SETD1A: variants seen among roughly 807,000 people sequenced by gnomAD.
The protein encoded by SETD1A is SET domain containing 1A, histone lysine methyltransferase, also known as histone-lysine N-methyltransferase SETD1A.
Under a neutral mutation model 149.9 loss-of-function variants are expected in SETD1A, and 29 were observed. That is an observed-to-expected ratio of 0.19 (90% CI 0.14 to 0.26). The LOEUF is 0.26. Among genes scored for constraint, SETD1A ranks in the 10% least tolerant of loss-of-function variants. The pLI, the probability that SETD1A is intolerant of heterozygous loss-of-function variation, is 1.00. For missense variants in SETD1A, 2,109 were observed against 2,353.1 expected, an observed-to-expected ratio of 0.90 and a Z score of 2.15; for synonymous variants, 1,141 against 968.5, an observed-to-expected ratio of 1.18 and a Z score of -3.31.
chr16:30,972,139 T>C (rs900640708), intron 13 of SETD1A, among the ~76,000 whole-genome samples: 4 of 152,214 alleles, frequency 2.6e-5, no homozygotes, highest in Non-Finnish European at 5.9e-5. Context: ...TCTTTGTTCA[T>C]TTGTACGTCT....
In SETD1A at chr16:30,971,496, CTCCTCCTCG is replaced by C; in HGVS notation, c.3141_3149del (p.Ser1056_Ser1058del). 1 of 1,614,048 alleles carries C rather than the reference CTCCTCCTCG, an allele frequency of 6.2e-7. No individual in the cohort carries two copies. The highest frequency in any genetic ancestry group is 8.5e-7 in the Non-Finnish European group (1 of 1,179,996). On this transcript the variant is annotated inframe_deletion, in exon 13 of 19. Transcript: ENST00000262519. ...GCTCTTCCAGCTCCTCATCCTCCTC[CTCCTCCTCG>C]TCCTCATCCTCCTCGTCCTCTTCAT...
chr16:30,959,813 A>G (rs896125576), intron 3 of SETD1A, among the ~76,000 whole-genome samples: 1 of 150,728 alleles, frequency 6.6e-6, no homozygotes, highest in Non-Finnish European at 1.5e-5. Flanking sequence ...CCACAGCTTC[A>G]ACTATTACCT....
Position 30,980,124 on chromosome 16 carries a change from G to C in SETD1A, c.4338G>C (p.Thr1446=). 1 of 1,612,486 alleles carries C rather than the reference G, an allele frequency of 6.2e-7. No individual in the cohort carries two copies. Among genetic ancestry groups the C allele is most frequent in the South Asian group, 1.1e-5 (1 of 90,908 alleles). ...AGGACATGAGTTACCTGCGGCTTAC[G>C]TACGAGCGGCTGCTGCAGCAGACAA... ...DSEDMSYLRL[T]YERLLQQTSG... The change falls in exon 14 of 19, where the codon ACG becomes ACC. Residue 1446 remains threonine (T), a synonymous_variant. Coordinates refer to ENST00000262519, the MANE Select transcript of SETD1A (RefSeq NM_014712.3). The surrounding 1 kb of genome is among the most constrained non-coding windows in gnomAD (Gnocchi z 7.7).
At chr16:30,970,993 T>C (rs2056216916) in intron 12 of SETD1A, among the ~76,000 whole-genome samples, 1 of 152,178 alleles carries the variant, frequency 6.6e-6, no homozygotes, top group Non-Finnish European at 1.5e-5. Flanking sequence ...CCAGACTGGG[T>C]CCTGAGACCC....
In SETD1A at chr16:30,979,228, G is replaced by T. The variant is rs779454410; in HGVS notation, c.3442G>T (p.Asp1148Tyr). 16 of 602,782 alleles carry T rather than the reference G, an allele frequency of 2.7e-5. No homozygotes were observed. Among genetic ancestry groups the T allele is most frequent in the Non-Finnish European group, 3.2e-5 (13 of 405,406 alleles). The allele number at this position is 602,782 out of a possible 1,614,324, so 37.3% of individuals were successfully genotyped here. A position where few individuals can be genotyped will look rare whatever the true frequency, so the allele number is the denominator to read the frequency against. ...AGPPAPAPRP[D>Y]ERPSSPIPLL... is the part of the protein sequence containing the mutation. Reference sequence around the variant, plus strand: ...GCCCCCGGCCCCTGCCCCACGCCCCGATGAGCGTCCCTCTTCTCCCATCCC... The same window carrying T: ...GCCCCCGGCCCCTGCCCCACGCCCCTATGAGCGTCCCTCTTCTCCCATCCC... The change falls in exon 14 of 19, where the codon GAT becomes TAT. Residue 1148 changes from aspartate to tyrosine, a missense_variant. Physicochemically the swap from Asp to Tyr is radical, Grantham distance 160. This residue lies in a region of SETD1A where 832 missense variants were observed against 815.6 expected (regional missense o/e 1.02). Coordinates refer to ENST00000262519, the MANE Select transcript of SETD1A (RefSeq NM_014712.3).
rs2056416918 is a variant in SETD1A at position 30,983,808 on chromosome 16, T to C, written c.4950+36T>C. 6.2e-7 allele frequency: 1 copy of C among 1,611,310 alleles called. No individual in the cohort carries two copies. Among genetic ancestry groups the C allele is most frequent in the Non-Finnish European group, 8.5e-7 (1 of 1,178,338 alleles). On this transcript the variant is annotated intron_variant, in intron 18 of 18. Transcript: ENST00000262519. This position sits in a 1 kb window ranked among gnomAD's most constrained non-coding sequence, Gnocchi z 6.8. ...GGCCAGCCGGGGCAGGAGTTGGGGG[T>C]CGGTGGGGGTGGCCACGGCTCACAC...
intron 3 of SETD1A, 25 bp downstream of exon 3, chr16:30,959,211 G>A: frequency 6.9e-7 from 1 of 1,442,580 alleles, no homozygotes; most frequent in Non-Finnish European, 9.8e-7. Flanking sequence ...GGCTCCTGGT[G>A]TGGTAGTCCT....
In SETD1A at chr16:30,980,957, G is replaced by T; in HGVS notation, c.4693-104G>T. The T allele has an allele frequency of 6.3e-7, 1 of 1,576,486 alleles. No individual in the cohort carries two copies. On this transcript the variant is annotated intron_variant, in intron 16 of 18. Coordinates refer to ENST00000262519, the MANE Select transcript of SETD1A (RefSeq NM_014712.3). The surrounding 1 kb of genome is among the most constrained non-coding windows in gnomAD (Gnocchi z 7.7). ...CTGTGGTTCCCTCGGGTGGAGTTGG[G>T]GGGTAAGCAGCCAGAACACCCTCTG...
chr16:30,983,720 T>A lies in SETD1A; in HGVS notation c.4898T>A (p.Ile1633Asn). ...YLFRVDHDTI[I>N]DATKCGNLAR... ...TTCCGGGTGGACCACGACACCATCATCGATGCCACCAAGTGTGGCAACCTG... is the reference window on the plus strand; with the variant it reads ...TTCCGGGTGGACCACGACACCATCAACGATGCCACCAAGTGTGGCAACCTG... Residue 1633 changes from isoleucine to asparagine, a missense_variant, in exon 18 of 19, where the codon ATC becomes AAC. Transcript: ENST00000262519. This position sits in a 1 kb window ranked among gnomAD's most constrained non-coding sequence, Gnocchi z 6.8. 6.2e-7 allele frequency: 1 copy of A among 1,614,138 alleles called. No homozygotes were observed. Among genetic ancestry groups the A allele is most frequent in the Non-Finnish European group, 8.5e-7 (1 of 1,180,000 alleles).
rs1167157180 is a variant in SETD1A, at chr16:30,979,587, GCTGCCTGCC to G, written c.3810_3818del (p.Leu1271_Ala1273del). ...TGGCCCTGACCCCTGCCCGGCGCGG[GCTGCCTGCC>G]CTGCCTGCTGTTGAAGACTCAGAGG... On this transcript the variant is annotated inframe_deletion, in exon 14 of 19. Coordinates refer to ENST00000262519, the MANE Select transcript of SETD1A (RefSeq NM_014712.3). 1.2e-6 allele frequency: 2 copies of G among 1,610,572 alleles called. No homozygotes were observed.
intron 3 of SETD1A, among the ~76,000 whole-genome samples, chr16:30,960,271 G>T (rs1424895158): frequency 1.3e-5 from 2 of 152,168 alleles, no homozygotes; most frequent in Non-Finnish European, 2.9e-5. Flanking sequence ...ACACTGACAT[G>T]TATGGTTATT....
At chr16:30,967,630 G>A (rs2056166462) in intron 10 of SETD1A, 42 bp downstream of exon 10, 2 of 1,550,684 alleles carry the variant, frequency 1.3e-6, no homozygotes, top group African/African-American at 2.7e-5. Flanking sequence ...GTGCTGCGTG[G>A]GTTCTGATGG....
chr16:30,977,590 G>A (rs530884537), intron 13 of SETD1A, among the ~76,000 whole-genome samples: 24 of 152,220 alleles, frequency 1.6e-4, no homozygotes, highest in Non-Finnish European at 2.6e-4. Flanking sequence ...ATGCTGAAGC[G>A]TGAGGTGGTC....
Position 30,964,801 on chromosome 16 carries a change from C to G in SETD1A, c.1059C>G (p.Ser353=), listed in dbSNP as rs768709539. The change falls in exon 7 of 19, where the codon TCC becomes TCG. Residue 353 remains serine, a synonymous_variant. Coordinates refer to ENST00000262519, the MANE Select transcript of SETD1A (RefSeq NM_014712.3). The part of the protein sequence containing the change: ...SLSSSSSSSS[S]SSSSQFRSSD... Reference sequence around the variant, plus strand: ...CCTCGTCCTCCTCGTCATCCTCTTCCTCCTCGTCCTCTCAGTTTCGTAGTT... The same window carrying G: ...CCTCGTCCTCCTCGTCATCCTCTTCGTCCTCGTCCTCTCAGTTTCGTAGTT... 4.8e-5 allele frequency: 78 copies of G among 1,614,062 alleles called. No homozygotes were observed. The highest frequency in any genetic ancestry group is 6.4e-5 in the Non-Finnish European group (75 of 1,180,012).
chr16:30,968,377 T>C (rs567424368), intron 10 of SETD1A, among the ~76,000 whole-genome samples: 23 of 148,644 alleles, frequency 1.5e-4, no homozygotes, highest in Non-Finnish European at 2.8e-4. Context: ...CACTTCAGCC[T>C]GGGTGATAGC....
At position 30,983,603 on chromosome 16, in the gene SETD1A, T is replaced by C. The variant is rs112080881; in HGVS notation, c.4813-32T>C. 2.5e-6 allele frequency: 4 copies of C among 1,601,554 alleles called. No homozygotes were observed. The highest frequency in any genetic ancestry group is 1.3e-5 in the African/African-American group (1 of 74,796). Reference sequence around the variant, plus strand: ...TGCTCAGGGGCAGGAAGTGGGGGACTCTTCCCTGACCATCGCATCTCACCC... The same window carrying C: ...TGCTCAGGGGCAGGAAGTGGGGGACCCTTCCCTGACCATCGCATCTCACCC... On this transcript the variant is annotated intron_variant, in intron 17 of 18. Transcript: ENST00000262519. This position sits in a 1 kb window ranked among gnomAD's most constrained non-coding sequence, Gnocchi z 6.8.
At chr16:30,972,035 C>G (rs2056232193) in intron 13 of SETD1A, among the ~76,000 whole-genome samples, 1 of 152,268 alleles carries the variant, frequency 6.6e-6, no homozygotes. Context: ...TAAGCCTGTT[C>G]TTCAGTGAGT....
At chr16:30,963,354 C>T (rs2143477737) in intron 4 of SETD1A, 79 bp from the exon 5 acceptor site, 2 of 1,350,884 alleles carry the variant, frequency 1.5e-6, no homozygotes, top group East Asian at 2.7e-5. Context: ...AAACTTGAGG[C>T]CTGAGAAAGC....
chr16:30,978,510 C>G (rs976608084), intron 13 of SETD1A, among the ~76,000 whole-genome samples: 2 of 152,120 alleles, frequency 1.3e-5, no homozygotes, highest in East Asian at 3.9e-4. Context: ...CCCAGCCACC[C>G]GCATCCTGGG....
Sources: gnomAD v4.1 joint callset for allele counts (sites outside exome capture counted in the v4.1 genomes callset) on GRCh38, gnomAD v4.1.1 for gene constraint, gnomAD v4.1.1 regional missense constraint, Gnocchi (gnomAD v3.1) non-coding constraint, MANE v1.5 for transcripts, NCBI Gene and HGNC (gene_info 2026-07-23, HGNC 2026-07-21) for gene names.